Variants in DOP1B observed in about 807,000 individuals in gnomAD.
DOP1B encodes the protein protein DOP1B.
DOP1B carries 174 observed loss-of-function variants against 233.5 expected under a neutral mutation model. That is an observed-to-expected ratio of 0.75 (90% CI 0.66 to 0.85). The LOEUF is 0.85. DOP1B is among the 40% of genes least tolerant of loss of function. The pLI is 0.00. For synonymous variants in DOP1B, 1,190 were observed against 1,185.6 expected, an observed-to-expected ratio of 1.00 and a Z score of -0.08; for missense variants, 2,652 against 2,846.6, an observed-to-expected ratio of 0.93 and a Z score of 1.56.
chr21:36,161,703 C>T (rs2065870967), intron 1 of DOP1B, among the ~76,000 whole-genome samples: 1 of 152,200 alleles, frequency 6.6e-6, no homozygotes, highest in Non-Finnish European at 1.5e-5. Flanking sequence ...GCATCGCCAT[C>T]ATCCCATTTT....
intron 27 of DOP1B, among the ~76,000 whole-genome samples, chr21:36,275,414 C>T (rs933384348): frequency 2.6e-5 from 4 of 151,878 alleles, no homozygotes; most frequent in African/African-American, 9.7e-5. Flanking sequence ...TTTGCTTGAG[C>T]CCAGGAGTTC....
At chr21:36,193,911 G>A (rs1223691249) in intron 2 of DOP1B, among the ~76,000 whole-genome samples, 1 of 152,204 alleles carries the variant, frequency 6.6e-6, no homozygotes, top group Non-Finnish European at 1.5e-5. Flanking sequence ...GGTCATGTGT[G>A]TGGATTACTT....
At position 36,262,234 on chromosome 21, in the gene DOP1B, G is replaced by A. The variant is rs537612167; in HGVS notation, c.5316-1312G>A. ...TCCTGTGACAGCGAATATATATTGCGTTGCTGGCGAATGTTGAGTGTAGTG... is the reference window on the plus strand; with the variant it reads ...TCCTGTGACAGCGAATATATATTGCATTGCTGGCGAATGTTGAGTGTAGTG... On this transcript the variant is annotated intron_variant, in intron 24 of 36. Transcript: ENST00000691173. Among the ~76,000 whole-genome samples, 334 of 152,284 alleles carry A rather than the reference G, an allele frequency of 2.2e-3. 1 individual carries two copies. The highest frequency in any genetic ancestry group is 3.7e-3 in the Non-Finnish European group (249 of 68,026).
chr21:36,253,834 C>G lies in DOP1B; in HGVS notation c.5184C>G (p.Thr1728=), dbSNP rs1288010587. The G allele has an allele frequency of 6.2e-7, 1 of 1,613,794 alleles. No individual in the cohort carries two copies. The highest frequency in any genetic ancestry group is 1.3e-5 in the African/African-American group (1 of 74,838). The change falls in exon 23 of 37, where the codon ACC becomes ACG. Residue 1728 remains threonine (T), a synonymous_variant. Coordinates refer to ENST00000691173, the MANE Select transcript of DOP1B (RefSeq NM_001320714.2). ...TCGACTTGGTGTGTGCACTCAGCAC[C>G]CTGCAGACTGACACGCTGCTGCACC... The part of the protein sequence containing the change: ...TLVDLVCALS[T]LQTDTLLHLV...
At chr21:36,247,023 G>C (rs192845721) in intron 19 of DOP1B, among the ~76,000 whole-genome samples, 90 of 152,236 alleles carry the variant, frequency 5.9e-4, no homozygotes, top group African/African-American at 2.1e-3. Context: ...GGGATTACAG[G>C]TGCCTACCGC....
chr21:36,231,047 C>T lies in DOP1B; in HGVS notation c.2263C>T (p.His755Tyr). Residue 755 changes from histidine (H) to tyrosine (Y), a missense_variant, in exon 14 of 37, where the codon CAC becomes TAC. Physicochemically the swap from His to Tyr is moderately conservative, Grantham distance 83. Transcript: ENST00000691173. ...ERREAFAAAC[H>Y]LLLDCATFPV... ...CAGGGAGGCCTTTGCCGCCGCCTGC[C>T]ACCTGCTGCTGGATTGTGCCACTTT... 6.2e-7 allele frequency: 1 copy of T among 1,614,080 alleles called. No homozygotes were observed. Among genetic ancestry groups the T allele is most frequent in the Non-Finnish European group, 8.5e-7 (1 of 1,180,012 alleles).
intron 15 of DOP1B, among the ~76,000 whole-genome samples, chr21:36,233,630 C>T (rs2066792779): frequency 6.6e-6 from 1 of 152,192 alleles, no homozygotes; most frequent in Non-Finnish European, 1.5e-5. Context: ...CGTAGGTTTT[C>T]CGGAATAAAT....
intron 9 of DOP1B, 149 bp from the exon 10 acceptor site, chr21:36,219,223 G>A: frequency 6.4e-6 from 7 of 1,100,648 alleles, no homozygotes; most frequent in Non-Finnish European, 8.9e-6. Flanking sequence ...GTTGTCACCA[G>A]TAAAGTTAAG....
In DOP1B at chr21:36,212,010, G is replaced by C; in HGVS notation, c.817G>C (p.Asp273His). ...GAGAGCCATCCCCCTCCTCAGATCT[G>C]ACATCGTGCGCATTCTCTCAGCCGC... ...NERAIPLLRS[D>H]IVRILSAATQ... The change falls in exon 7 of 37, where the codon GAC (aspartate) becomes CAC (histidine). Residue 273 changes from aspartate to histidine, a missense_variant. Asp to His is a moderately conservative substitution (Grantham distance 81). Coordinates refer to ENST00000691173, the MANE Select transcript of DOP1B (RefSeq NM_001320714.2). 6.2e-7 allele frequency: 1 copy of C among 1,613,980 alleles called. No homozygotes were observed.
intron 27 of DOP1B, among the ~76,000 whole-genome samples, chr21:36,271,376 C>A (rs1392160540): frequency 6.6e-6 from 1 of 151,924 alleles, no homozygotes; most frequent in Non-Finnish European, 1.5e-5. Context: ...CTGGTTCAAG[C>A]CATTCTCCTG....
Position 36,237,412 on chromosome 21 carries a change from A to ACCTCC in DOP1B, c.2773_2774insCCTCC (p.Lys925ThrfsTer15). 1 of 1,613,968 alleles carries ACCTCC rather than the reference A, an allele frequency of 6.2e-7. No individual in the cohort carries two copies. The highest frequency in any genetic ancestry group is 8.5e-7 in the Non-Finnish European group (1 of 1,180,020). ...CTGCCATGCCCTCCTGGACCCTGAC[A>ACCTCC]AGGTGAGCCTTTCTGGCCGCCACCT... On this transcript the variant is annotated frameshift_variant and splice_region_variant, in exon 16 of 37. Coordinates refer to ENST00000691173, the MANE Select transcript of DOP1B (RefSeq NM_001320714.2). LOFTEE classifies it high-confidence loss of function.
At chr21:36,225,807 T>C in intron 12 of DOP1B, 140 bp downstream of exon 12, 1 of 878,060 alleles carries the variant, frequency 1.1e-6, no homozygotes, top group Non-Finnish European at 1.8e-6. Flanking sequence ...TGTTTTGGCA[T>C]AAAAGATATA....
Position 36,292,141 on chromosome 21 carries a change from G to C in DOP1B, c.6553G>C (p.Gly2185Arg). The C allele has an allele frequency of 6.2e-7, 1 of 1,611,816 alleles. No homozygotes were observed. ...WAFIPEVDTE[G>R]PAFLSDVEEN... The stretch of plus-strand genomic sequence containing the variant: ...ATTTATTCCAGAAGTGGACACAGAG[G>C]GCCCTGCCTTCCTGTCGGATGTAGA... The change falls in exon 36 of 37, where the codon GGC (glycine) becomes CGC (arginine). Residue 2185 changes from glycine (G) to arginine (R), a missense_variant. By Grantham distance (125) the Gly-to-Arg change is moderately radical. Around this residue, in one of 3 missense-constraint regions of DOP1B, gnomAD observed 2,617 missense variants for 2,794.3 expected, o/e 0.94. Transcript: ENST00000691173.
intron 12 of DOP1B, among the ~76,000 whole-genome samples, chr21:36,227,415 T>C (rs7280521): frequency 0.26 from 38,930 of 147,530 alleles, 6,366 homozygotes; most frequent in African/African-American, 0.47. Flanking sequence ...GGCGTGGTGG[T>C]GGGCACCTGT....
chr21:36,203,770 T>G (rs116056176), intron 4 of DOP1B, among the ~76,000 whole-genome samples: 411 of 152,200 alleles, frequency 2.7e-3, no homozygotes, highest in Middle Eastern at 0.024. Context: ...TGCTTTTTAG[T>G]GAACCATAAG....
At chr21:36,159,101 C>T (rs1568990581) in intron 1 of DOP1B, among the ~76,000 whole-genome samples, 3 of 151,930 alleles carry the variant, frequency 2.0e-5, no homozygotes, top group Non-Finnish European at 2.9e-5. Context: ...CATTTTACCC[C>T]AGCCTGGGTG....
chr21:36,278,299 G>T lies in DOP1B; in HGVS notation c.5913G>T (p.Glu1971Asp). ...ACACAAAGCGAGCCTGGAGGAAGGA[G>T]GTCCTGGAGCTGTTTCTCGACCCCG... Reference protein sequence around the residue: ...YAYTKRAWRKEVLELFLDPAF... With the variant: ...YAYTKRAWRKDVLELFLDPAF... The change falls in exon 30 of 37, where the codon GAG (glutamate) becomes GAT (aspartate). Residue 1971 changes from glutamate to aspartate, a missense_variant. Coordinates refer to ENST00000691173, the MANE Select transcript of DOP1B (RefSeq NM_001320714.2). The T allele has an allele frequency of 6.2e-7, 1 of 1,614,070 alleles. No homozygotes were observed. The highest frequency in any genetic ancestry group is 8.5e-7 in the Non-Finnish European group (1 of 1,180,022).
At chr21:36,169,920 C>G in intron 2 of DOP1B, 1 of 772,360 alleles carries the variant, frequency 1.3e-6, no homozygotes, top group Non-Finnish European at 2.4e-6. Flanking sequence ...CCGCAATGCC[C>G]ACAACCACCA....
intron 4 of DOP1B, among the ~76,000 whole-genome samples, chr21:36,207,278 G>A (rs544507887): frequency 1.0e-4 from 15 of 150,238 alleles, no homozygotes; most frequent in African/African-American, 2.9e-4. Context: ...TCCGCCTCCC[G>A]GCTTCAAGCA....
Sources: allele counts gnomAD v4.1 joint callset (sites outside exome capture counted in the v4.1 genomes callset), GRCh38; gene constraint gnomAD v4.1.1; regional missense constraint gnomAD v4.1.1; transcripts MANE v1.5; gene names NCBI Gene and HGNC (gene_info 2026-07-23, HGNC 2026-07-21).